IGSF21: variants seen among roughly 807,000 people sequenced by gnomAD.
IGSF21 encodes immunoglobin superfamily member 21, also known as immunoglobulin superfamily member 21.
Under a neutral mutation model 46.8 loss-of-function variants are expected in IGSF21, and 28 were observed. That is an observed-to-expected ratio of 0.60 (90% CI 0.44 to 0.82). The LOEUF (loss-of-function observed/expected upper bound fraction) is 0.82. IGSF21 is among the 40% of genes least tolerant of loss of function. The pLI is 0.00. For synonymous variants in IGSF21, 284 were observed against 273.6 expected (o/e 1.04, Z -0.38); for missense variants, 624 against 665.5 (o/e 0.94, Z 0.69).
At chr1:18,301,127 A>G (rs753787228) in intron 3 of IGSF21, among the ~76,000 whole-genome samples, 1 of 152,172 alleles carries the variant, frequency 6.6e-6, no homozygotes, top group Non-Finnish European at 1.5e-5. Context: ...GACTCATTGA[A>G]TCCTGTTATT....
In IGSF21 at chr1:18,109,342, C is replaced by T. The variant is rs1358780356; in HGVS notation, c.70+1144C>T. On this transcript the variant is annotated intron_variant, in intron 1 of 9. Coordinates refer to ENST00000251296, the MANE Select transcript of IGSF21 (RefSeq NM_032880.5). The surrounding 1 kb of genome is among the most constrained non-coding windows in gnomAD (Gnocchi z 4.8). ...CCTGGCTGGAGTCAGAGCCTGGCTCCGCCTCGGAGGGGAGCGGGACGCGAG... is the reference window on the plus strand; with the variant it reads ...CCTGGCTGGAGTCAGAGCCTGGCTCTGCCTCGGAGGGGAGCGGGACGCGAG... The T allele has an allele frequency of 1.3e-5, 2 of 152,022 alleles. No individual in the cohort carries two copies. The highest frequency in any genetic ancestry group is 2.4e-5 in the African/African-American group (1 of 41,384). The allele number at this position is 152,022 out of a possible 1,614,324, so 9.4% of individuals were successfully genotyped here.
intron 1 of IGSF21, among the ~76,000 whole-genome samples, chr1:18,189,500 C>T (rs1026459226): frequency 3.3e-5 from 5 of 152,180 alleles, no homozygotes; most frequent in Admixed American, 6.5e-5. Flanking sequence ...ATTATTATTA[C>T]ATTGTAATAT....
intron 1 of IGSF21, among the ~76,000 whole-genome samples, chr1:18,149,790 C>G (rs1454707492): frequency 4.6e-5 from 7 of 152,104 alleles, no homozygotes; most frequent in Non-Finnish European, 1.0e-4. Context: ...TTCCCCTCCC[C>G]CATTGTTTCT....
intron 1 of IGSF21, among the ~76,000 whole-genome samples, chr1:18,131,687 C>T (rs904208444): frequency 6.6e-6 from 1 of 152,154 alleles, no homozygotes; most frequent in Non-Finnish European, 1.5e-5. Context: ...GGGTGGTTTT[C>T]CTCCATGTGC....
chr1:18,372,950 T>C (rs12038532), intron 6 of IGSF21, among the ~76,000 whole-genome samples: 114,477 of 151,872 alleles, frequency 0.75, 43,237 homozygotes, highest in Admixed American at 0.79. Context: ...TAGGGGAAAC[T>C]TAGAGGAGCT....
At chr1:18,314,507 G>A (rs1352074532) in intron 3 of IGSF21, among the ~76,000 whole-genome samples, 3 of 152,148 alleles carry the variant, frequency 2.0e-5, no homozygotes, top group Admixed American at 6.5e-5. Flanking sequence ...ATCGTGGGCC[G>A]GGCCCTCTGC....
At chr1:18,164,845 A>C in intron 1 of IGSF21, among the ~76,000 whole-genome samples, 1 of 149,802 alleles carries the variant, frequency 6.7e-6, no homozygotes, top group Admixed American at 6.6e-5. Flanking sequence ...TTAACTCGTC[A>C]TTTACATTAG....
intron 4 of IGSF21, among the ~76,000 whole-genome samples, chr1:18,352,643 A>C (rs959101010): frequency 9.2e-5 from 14 of 152,154 alleles, no homozygotes; most frequent in Non-Finnish European, 1.9e-4. Context: ...CTCCACCAGC[A>C]ATAGCCTCAG....
At chr1:18,175,201 T>A (rs1197234582) in intron 1 of IGSF21, among the ~76,000 whole-genome samples, 1 of 152,228 alleles carries the variant, frequency 6.6e-6, no homozygotes, top group Non-Finnish European at 1.5e-5. Flanking sequence ...TCTGCCTCTG[T>A]CACAGATGTG....
chr1:18,260,001 C>T (rs2084931575), intron 2 of IGSF21, among the ~76,000 whole-genome samples: 1 of 152,232 alleles, frequency 6.6e-6, no homozygotes, highest in South Asian at 2.1e-4. Context: ...TCTCTCCAAG[C>T]CTCAGCTTTC....
intron 1 of IGSF21, among the ~76,000 whole-genome samples, chr1:18,169,868 G>A (rs1249991632): frequency 5.3e-5 from 8 of 152,068 alleles, no homozygotes; most frequent in East Asian, 1.9e-4. Flanking sequence ...TGGAAAATGC[G>A]TGGACCATAA....
intron 3 of IGSF21, among the ~76,000 whole-genome samples, chr1:18,319,791 G>A (rs2085582730): frequency 6.6e-6 from 1 of 152,162 alleles, no homozygotes; most frequent in Non-Finnish European, 1.5e-5. Context: ...TTAAATAGAA[G>A]CGCCCCCTCC....
rs146435448 is a variant in IGSF21, at chr1:18,329,187, T to C, written c.306-5705T>C. Among the ~76,000 whole-genome samples the C allele has an allele frequency of 4.1e-3, 607 of 146,654 alleles. 2 individuals carry two copies. Among genetic ancestry groups the C allele is most frequent in the Non-Finnish European group, 7.0e-3 (474 of 67,500 alleles). ...TCATGGGCTCCAGCCTCCATCTGGC[T>C]TGAATTCAAATCATGCCACCTACTC... On this transcript the variant is annotated intron_variant, in intron 3 of 9. Coordinates refer to ENST00000251296, the MANE Select transcript of IGSF21 (RefSeq NM_032880.5).
chr1:18,124,155 G>A (rs1012897741), intron 1 of IGSF21, among the ~76,000 whole-genome samples: 10 of 152,180 alleles, frequency 6.6e-5, no homozygotes, highest in African/African-American at 2.4e-4. Context: ...CGGCTATATG[G>A]ATCCAGAGAA....
chr1:18,295,042 G>T lies in IGSF21; in HGVS notation c.305+3055G>T, dbSNP rs889128145. 3.9e-5 allele frequency among the ~76,000 whole-genome samples: 6 copies of T among 152,240 alleles called. No individual in the cohort carries two copies. The South Asian group carries it at 8.3e-4, about 21-fold the overall frequency. ...AGAATGAGACTGAGAAGATTACCAA[G>T]AATTGGCTGAGAGCAATTTCGCGGG... On this transcript the variant is annotated intron_variant, in intron 3 of 9. Transcript: ENST00000251296.
intron 4 of IGSF21, among the ~76,000 whole-genome samples, chr1:18,340,507 C>T (rs995523498): frequency 5.9e-5 from 9 of 152,234 alleles, no homozygotes; most frequent in African/African-American, 2.2e-4. Context: ...TGTGGATACA[C>T]TGACAATAAG....
Position 18,283,117 on chromosome 1 carries a change from G to A in IGSF21, c.184-8749G>A, listed in dbSNP as rs1156399645. Among the ~76,000 whole-genome samples, 4 of 152,202 alleles carry A rather than the reference G, an allele frequency of 2.6e-5. No individual in the cohort carries two copies. The East Asian group carries it at 7.7e-4, about 29-fold the overall frequency. On this transcript the variant is annotated intron_variant, in intron 2 of 9. Transcript: ENST00000251296. ...GGAGTGTGGGTCCTACAAAGAAGCT[G>A]CAGCCGCTCTCCTCCCTGCCACTCT... is the stretch of plus-strand genomic sequence containing the variant.
intron 4 of IGSF21, among the ~76,000 whole-genome samples, chr1:18,338,879 C>A (rs2085799455): frequency 6.6e-6 from 1 of 151,328 alleles, no homozygotes; most frequent in Non-Finnish European, 1.5e-5. Context: ...TTTGAAGGTT[C>A]TTCTGGGGGT....
intron 4 of IGSF21, among the ~76,000 whole-genome samples, chr1:18,346,724 GCCT>G (rs1181939522): frequency 2.6e-5 from 4 of 152,292 alleles, no homozygotes; most frequent in African/African-American, 9.6e-5. Flanking sequence ...ACCTCTACAG[GCCT>G]CCTCCCTGCC....
Sources: gnomAD v4.1 joint callset for allele counts (sites outside exome capture counted in the v4.1 genomes callset) on GRCh38, gnomAD v4.1.1 for gene constraint, Gnocchi (gnomAD v3.1) non-coding constraint, MANE v1.5 for transcripts, NCBI Gene and HGNC (gene_info 2026-07-23, HGNC 2026-07-21) for gene names.